Variants in RBMS3 observed in about 807,000 individuals in gnomAD.
The protein encoded by RBMS3 is RNA-binding motif, single-stranded-interacting protein 3.
RBMS3 carries 27 observed loss-of-function variants against 66.8 expected under a neutral mutation model. The observed-to-expected ratio is 0.40, with a 90% CI of 0.30 to 0.56. The LOEUF (loss-of-function observed/expected upper bound fraction) is 0.56. Ranked by LOEUF, RBMS3 falls within the 20% of genes least tolerant of loss-of-function variation. RBMS3 has a pLI of 0.40. For missense variants in RBMS3, 513 were observed against 549.5 expected (o/e 0.93, Z 0.66); for synonymous variants, 188 against 183.0 (o/e 1.03, Z -0.22).
chr3:29,505,437 C>G (rs1399571750), intron 3 of RBMS3, among the ~76,000 whole-genome samples: 1 of 151,332 alleles, frequency 6.6e-6, no homozygotes, highest in Non-Finnish European at 1.5e-5. Context: ...TATGCCAGTA[C>G]CATACTCTGT....
At chr3:29,385,311 C>A (rs1477661844) in intron 1 of RBMS3, among the ~76,000 whole-genome samples, 1 of 152,140 alleles carries the variant, frequency 6.6e-6, no homozygotes, top group Non-Finnish European at 1.5e-5. Context: ...GGTTAGCACT[C>A]CCCACAGATT....
At chr3:29,729,254 T>C (rs529767832) in intron 4 of RBMS3, among the ~76,000 whole-genome samples, 178 of 151,910 alleles carry the variant, frequency 1.2e-3, no homozygotes, top group African/African-American at 4.2e-3. Flanking sequence ...TGGTTTTCTG[T>C]TCCTGTGTTA....
chr3:29,732,598 T>C (rs1474781480), intron 4 of RBMS3, among the ~76,000 whole-genome samples: 1 of 152,142 alleles, frequency 6.6e-6, no homozygotes, highest in East Asian at 1.9e-4. Context: ...GTGCAGTAAC[T>C]ATCACCAGAA....
intron 6 of RBMS3, among the ~76,000 whole-genome samples, chr3:29,838,204 T>A (rs1326947442): frequency 2.0e-5 from 3 of 147,142 alleles, no homozygotes; most frequent in African/African-American, 7.5e-5. Context: ...CCAGCTGTGA[T>A]GGTGTGCACC....
intron 12 of RBMS3, among the ~76,000 whole-genome samples, chr3:29,987,375 T>G (rs1439844681): frequency 6.6e-6 from 1 of 152,196 alleles, no homozygotes; most frequent in African/African-American, 2.4e-5. Context: ...CATGTAGTTT[T>G]ACTGGGGCTC....
chr3:29,420,946 T>TAA (rs2040694722), intron 1 of RBMS3, among the ~76,000 whole-genome samples: 1 of 57,216 alleles, frequency 1.7e-5, no homozygotes, highest in African/African-American at 8.9e-5. Context: ...CTACTAAAAA[T>TAA]GAAAAAAAAA....
intron 1 of RBMS3, among the ~76,000 whole-genome samples, chr3:29,384,337 CAAAT>C (rs1188676424): frequency 1.3e-5 from 2 of 151,064 alleles, no homozygotes; most frequent in Non-Finnish European, 2.9e-5. Flanking sequence ...AACAAACAAA[CAAAT>C]AAAACAATTA....
At chr3:29,914,902 C>G (rs778202682) in intron 10 of RBMS3, among the ~76,000 whole-genome samples, 14 of 151,716 alleles carry the variant, frequency 9.2e-5, no homozygotes, top group Non-Finnish European at 1.8e-4. Flanking sequence ...TGTATTTCTT[C>G]CATAGCCACT....
chr3:29,884,465 TCTCTCC>T (rs745620740), intron 8 of RBMS3, among the ~76,000 whole-genome samples: 7,629 of 92,942 alleles, frequency 0.082, 968 homozygotes, highest in Middle Eastern at 0.17. Flanking sequence ...TCTCTCTCTC[TCTCTCC>T]CCCCCCGCTC....
In RBMS3 at chr3:29,281,661, G is replaced by A. The variant is rs376534040; in HGVS notation, c.-21G>A. 5.0e-6 allele frequency: 8 copies of A among 1,606,664 alleles called. No homozygotes were observed. The East Asian group carries it at 1.3e-4, about 27-fold the overall frequency. On this transcript the variant is annotated 5_prime_UTR_variant, in exon 1 of 15. Coordinates refer to ENST00000383767, the MANE Select transcript of RBMS3 (RefSeq NM_001003793.3). Reference sequence around the variant, plus strand: ...ACCCTGTCATCCAGTTCCCTGCCTCGGAGATAAAGATTCCAGCTACATGGG... The same window carrying A: ...ACCCTGTCATCCAGTTCCCTGCCTCAGAGATAAAGATTCCAGCTACATGGG...
chr3:29,675,081 T>C (rs6791945), intron 4 of RBMS3, among the ~76,000 whole-genome samples: 6,041 of 152,124 alleles, frequency 0.04, 398 homozygotes, highest in African/African-American at 0.14. Flanking sequence ...AACAGAGATA[T>C]AGACCAATGG....
intron 1 of RBMS3, among the ~76,000 whole-genome samples, chr3:29,381,296 G>A (rs544145404): frequency 9.0e-4 from 137 of 152,262 alleles, no homozygotes; most frequent in African/African-American, 2.9e-3. Flanking sequence ...AAGTGTAAGT[G>A]CTGAATACTT....
chr3:29,403,573 G>C (rs967067074), intron 1 of RBMS3, among the ~76,000 whole-genome samples: 1 of 152,080 alleles, frequency 6.6e-6, no homozygotes, highest in Non-Finnish European at 1.5e-5. Context: ...GATCAGACTG[G>C]AAGAAGCAAT....
chr3:29,809,680 C>T (rs577493719), intron 6 of RBMS3, among the ~76,000 whole-genome samples: 2 of 152,072 alleles, frequency 1.3e-5, no homozygotes, highest in East Asian at 3.9e-4. Context: ...TATCTTCTCA[C>T]AGATTTTTTT....
At chr3:29,554,882 A>G (rs2046294099) in intron 3 of RBMS3, among the ~76,000 whole-genome samples, 1 of 152,160 alleles carries the variant, frequency 6.6e-6, no homozygotes. Context: ...GTAAGCAAAA[A>G]TATAATTTTT....
intron 1 of RBMS3, among the ~76,000 whole-genome samples, chr3:29,370,761 G>T (rs2038156213): frequency 6.6e-6 from 1 of 152,170 alleles, no homozygotes; most frequent in Non-Finnish European, 1.5e-5. Flanking sequence ...TTTGGCCAGA[G>T]GCATACAAGA....
At chr3:29,782,977 A>G (rs1375881653) in intron 6 of RBMS3, among the ~76,000 whole-genome samples, 6 of 152,110 alleles carry the variant, frequency 3.9e-5, no homozygotes, top group Non-Finnish European at 7.4e-5. Flanking sequence ...CAATCCATCA[A>G]AGACAAAGAA....
At chr3:29,719,836 A>G (rs758703677) in intron 4 of RBMS3, among the ~76,000 whole-genome samples, 9 of 152,156 alleles carry the variant, frequency 5.9e-5, no homozygotes, top group Non-Finnish European at 1.0e-4. Flanking sequence ...ATCTTCACTA[A>G]TATATCCAGA....
At chr3:29,650,847 G>T (rs2050120520) in intron 4 of RBMS3, among the ~76,000 whole-genome samples, 1 of 152,128 alleles carries the variant, frequency 6.6e-6, no homozygotes, top group Non-Finnish European at 1.5e-5. Flanking sequence ...CCATCTATTT[G>T]TATGGAAAAT....
Sources: allele counts gnomAD v4.1 joint callset (sites outside exome capture counted in the v4.1 genomes callset), GRCh38; gene constraint gnomAD v4.1.1; transcripts MANE v1.5; gene names NCBI Gene and HGNC (gene_info 2026-07-23, HGNC 2026-07-21).